Variants in SLC30A10 observed in about 807,000 individuals in gnomAD.
The protein encoded by SLC30A10 is solute carrier family 30 member 10.
In SLC30A10, 8 loss-of-function variants were observed where a neutral mutation model predicts 21.7. That is an observed-to-expected ratio of 0.37 (90% CI 0.22 to 0.67). SLC30A10 has a LOEUF of 0.67. Among genes scored for constraint, SLC30A10 ranks in the 30% least tolerant of loss-of-function variants. The pLI, the probability that SLC30A10 is intolerant of heterozygous loss-of-function variation, is 0.58. For synonymous variants in SLC30A10, 272 were observed against 279.4 expected, an observed-to-expected ratio of 0.97 and a Z score of 0.26; for missense variants, 521 against 642.5, an observed-to-expected ratio of 0.81 and a Z score of 2.04.
chr1:219,917,269 G>T (rs1320193648), intron 3 of SLC30A10, among the ~76,000 whole-genome samples: 1 of 152,010 alleles, frequency 6.6e-6, no homozygotes, highest in Non-Finnish European at 1.5e-5. Context: ...GAGATTACAG[G>T]AATGAGTCAC....
chr1:219,945,535 CAG>C (rs961909064), intron 1 of SLC30A10, among the ~76,000 whole-genome samples: 1 of 151,902 alleles, frequency 6.6e-6, no homozygotes, highest in African/African-American at 2.4e-5. Context: ...GAATGCAACA[CAG>C]AACAACAAAA....
rs550277096 is a variant in SLC30A10, at chr1:219,927,939, C to G, written c.502G>C (p.Gly168Arg). The change falls in exon 1 of 4, where the codon GGG becomes CGG. Residue 168 changes from glycine (G) to arginine (R), a missense_variant. Gly to Arg is a moderately radical substitution (Grantham distance 125). Transcript: ENST00000366926. ...LAEGCVPGAFGGPQGAEDPRR... is the reference protein window; with the variant it reads ...LAEGCVPGAFRGPQGAEDPRR... The stretch of plus-strand genomic sequence containing the variant: ...GGGTCCTCCGCGCCCTGAGGCCCCC[C>G]GAAAGCGCCGGGGACACAGCCCTCC... The G allele has an allele frequency of 1.2e-5, 19 of 1,538,172 alleles. No individual in the cohort carries two copies. In the African/African-American group the frequency reaches 1.7e-4, roughly 14 times the overall value.
intron 2 of SLC30A10, 92 bp downstream of exon 2, chr1:219,926,936 C>T: frequency 3.0e-6 from 3 of 1,000,154 alleles, no homozygotes; most frequent in Non-Finnish European, 4.7e-6. Context: ...TTCAAACACA[C>T]CTTTGCCTTA....
chr1:219,927,066 A>G lies in SLC30A10; in HGVS notation c.680T>C (p.Met227Thr), dbSNP rs778962396. ...AGCTTCAGACTTTTTCTCTTTTTTC[A>G]TCATGTCTTCTGGCTCATTCTGGGT... The part of the protein sequence containing the change: ...FNTQNEPEDM[M>T]KKEKKSEALN... The change falls in exon 2 of 4, where the codon ATG becomes ACG. Residue 227 changes from methionine (M) to threonine (T), a missense_variant. Met to Thr is a moderately conservative substitution (Grantham distance 81). Coordinates refer to ENST00000366926, the MANE Select transcript of SLC30A10 (RefSeq NM_018713.3). 2 of 1,613,946 alleles carry G rather than the reference A, an allele frequency of 1.2e-6. No homozygotes were observed. Among genetic ancestry groups the G allele is most frequent in the Non-Finnish European group, 1.7e-6 (2 of 1,179,950 alleles).
chr1:219,917,528 G>T (rs144198357), intron 3 of SLC30A10, among the ~76,000 whole-genome samples: 97 of 152,156 alleles, frequency 6.4e-4, no homozygotes, highest in Non-Finnish European at 1.2e-3. Context: ...TTGCATGCCC[G>T]CATTAACTAG....
At chr1:219,933,060 TA>T (rs66703618), upstream of SLC30A10, among the ~76,000 whole-genome samples, 44,938 of 142,298 alleles carry the variant, frequency 0.32, 7,357 homozygotes, top group Non-Finnish European at 0.4. Flanking sequence ...AAACTCCGTC[TA>T]AAAAAAAAAA....
Position 219,915,068 on chromosome 1 carries a change from C to A in SLC30A10, c.*381G>T. On this transcript the variant is annotated 3_prime_UTR_variant, in exon 4 of 4. Transcript: ENST00000366926. ...TTTTTCAATGTATTTAAGCTATGAT[C>A]TCACCTGAGCATTAGCTAGAAGTTC... is the stretch of plus-strand genomic sequence containing the variant. 1 of 182,160 alleles carries A rather than the reference C, an allele frequency of 5.5e-6. No individual in the cohort carries two copies. Among genetic ancestry groups the A allele is most frequent in the Non-Finnish European group, 1.2e-5 (1 of 86,434 alleles). The allele number at this position is 182,160 out of a possible 1,614,324, so 11.3% of individuals were successfully genotyped here. A position where few individuals can be genotyped will look rare whatever the true frequency, so the allele number is the denominator to read the frequency against.
In SLC30A10 at chr1:219,928,365, G is replaced by C. The variant is rs774149422; in HGVS notation, c.76C>G (p.Leu26Val). The change falls in exon 1 of 4, where the codon CTG becomes GTG. Residue 26 changes from leucine (L) to valine (V), a missense_variant. Transcript: ENST00000366926. This position sits in a 1 kb window ranked among gnomAD's most constrained non-coding sequence, Gnocchi z 6.3. ...VLTVAFFVAELVSGYLGNSIA... is the reference protein window; with the variant it reads ...VLTVAFFVAEVVSGYLGNSIA... The stretch of plus-strand genomic sequence containing the variant: ...GAGTTGCCCAGGTAGCCGGAGACCA[G>C]CTCCGCCACGAAGAAGGCGACGGTG... The C allele has an allele frequency of 1.2e-6, 2 of 1,613,308 alleles. No individual in the cohort carries two copies. The highest frequency in any genetic ancestry group is 1.3e-5 in the African/African-American group (1 of 74,894).
chr1:219,943,550 C>A (rs983149868), intron 1 of SLC30A10, among the ~76,000 whole-genome samples: 6 of 152,132 alleles, frequency 3.9e-5, no homozygotes, highest in Non-Finnish European at 8.8e-5. Context: ...CAGGATTCAA[C>A]AGAAAATCTA....
chr1:219,933,356 C>T (rs1312471969), upstream of SLC30A10, among the ~76,000 whole-genome samples: 1 of 152,120 alleles, frequency 6.6e-6, no homozygotes, highest in African/African-American at 2.4e-5. Context: ...GAGAAAATAC[C>T]AGACTCTAAA....
chr1:219,955,505 T>A (rs535025329), intron 1 of SLC30A10, among the ~76,000 whole-genome samples: 1 of 152,222 alleles, frequency 6.6e-6, no homozygotes. Context: ...TTCTCCAGTA[T>A]AACTTTTTTC....
intron 1 of SLC30A10, among the ~76,000 whole-genome samples, chr1:219,956,952 T>C (rs763933662): frequency 6.6e-6 from 1 of 152,358 alleles, no homozygotes. Context: ...AGAACTGTTA[T>C]GTGACAATCA....
intron 1 of SLC30A10, among the ~76,000 whole-genome samples, chr1:219,947,218 C>T (rs185850193): frequency 5.8e-4 from 88 of 152,244 alleles, no homozygotes; most frequent in Non-Finnish European, 6.8e-4. Context: ...AGAACAAGAG[C>T]ATAGGTATAC....
chr1:219,923,249 G>GAGC (rs1356947821), intron 2 of SLC30A10, among the ~76,000 whole-genome samples: 1 of 152,216 alleles, frequency 6.6e-6, no homozygotes, highest in African/African-American at 2.4e-5. Context: ...CCACTTAGTA[G>GAGC]ACAACTCAAT....
chr1:219,936,325 G>C (rs1394503943), intron 1 of SLC30A10, among the ~76,000 whole-genome samples: 3 of 152,166 alleles, frequency 2.0e-5, no homozygotes, highest in African/African-American at 7.2e-5. Flanking sequence ...CTGTAATTAT[G>C]AAGCCATGGA....
At chr1:219,957,808 T>A (rs1380703151) in intron 1 of SLC30A10, among the ~76,000 whole-genome samples, 1 of 120,912 alleles carries the variant, frequency 8.3e-6, no homozygotes, top group African/African-American at 3.0e-5. Flanking sequence ...AGAAACATGA[T>A]TCCATCTTAA....
chr1:219,923,316 A>G (rs1421797712), intron 2 of SLC30A10, among the ~76,000 whole-genome samples: 1 of 152,246 alleles, frequency 6.6e-6, no homozygotes, highest in East Asian at 1.9e-4. Context: ...AAACCTCTGT[A>G]CTTGGCCCTC....
At position 219,944,475 on chromosome 1, in the gene SLC30A10, A is replaced by G. The variant is rs371153461; in HGVS notation, n.80+14093T>C. 3.8e-4 allele frequency among the ~76,000 whole-genome samples: 58 copies of G among 152,150 alleles called. 1 individual carries two copies. The highest frequency in any genetic ancestry group is 1.3e-3 in the African/African-American group (52 of 41,490). On this transcript the variant is annotated intron_variant and non_coding_transcript_variant, in intron 1 of 8. Coordinates refer to the SLC30A10 transcript ENST00000484239. ...AAACAAAACAAAACAAAACAAAACA[A>G]ACACTAAATGGATGGGCCCAGTAGC...
chr1:219,956,698 A>G (rs927939970), intron 1 of SLC30A10, among the ~76,000 whole-genome samples: 49 of 151,800 alleles, frequency 3.2e-4, no homozygotes, highest in Non-Finnish European at 6.3e-4. Context: ...AAAAAAAGAA[A>G]CCCATATGGT....
Sources: gnomAD v4.1 joint callset for allele counts (sites outside exome capture counted in the v4.1 genomes callset) on GRCh38, gnomAD v4.1.1 for gene constraint, Gnocchi (gnomAD v3.1) non-coding constraint, MANE v1.5 for transcripts, NCBI Gene and HGNC (gene_info 2026-07-23, HGNC 2026-07-21) for gene names.